Variants in HIVEP3 observed in about 807,000 individuals in gnomAD.
The protein encoded by HIVEP3 is HIVEP zinc finger 3, also known as transcription factor HIVEP3.
A neutral mutation model predicts 152.8 loss-of-function variants in HIVEP3; 49 were observed. The observed-to-expected ratio is 0.32, with a 90% confidence interval of 0.26 to 0.41. The LOEUF is 0.41. HIVEP3 is among the 10% of genes least tolerant of loss of function. HIVEP3 has a pLI of 1.00. For missense variants in HIVEP3, 2,790 were observed against 3,103.3 expected, an observed-to-expected ratio of 0.90 and a Z score of 2.40; for synonymous variants, 1,269 against 1,289.0, an observed-to-expected ratio of 0.98 and a Z score of 0.33.
chr1:41,907,921 T>C (rs765025348), intron 1 of HIVEP3, among the ~76,000 whole-genome samples: 9 of 152,100 alleles, frequency 5.9e-5, no homozygotes, highest in South Asian at 4.2e-4. Flanking sequence ...AGAGAGATAG[T>C]ATTGGAGAAC....
intron 1 of HIVEP3, among the ~76,000 whole-genome samples, chr1:42,005,057 T>C (rs1032329252): frequency 6.6e-6 from 1 of 152,160 alleles, no homozygotes; most frequent in African/African-American, 2.4e-5. Flanking sequence ...CCTTAGGGAC[T>C]TTGCCCTGGC....
At chr1:42,035,547 G>A (rs1314263951) in intron 1 of HIVEP3, among the ~76,000 whole-genome samples, 1 of 152,212 alleles carries the variant, frequency 6.6e-6, no homozygotes. Context: ...AGGACCGGAG[G>A]TTGTGTAATC....
At position 41,584,505 on chromosome 1, in the gene HIVEP3, T is replaced by C; in HGVS notation, c.293A>G (p.His98Arg). Reference sequence around the variant, plus strand: ...CGACATGAATGCTGGTGTCAGAGGGTGCTGCGGAAGCTGTGAGATGTGGAC... The same window carrying C: ...CGACATGAATGCTGGTGTCAGAGGGCGCTGCGGAAGCTGTGAGATGTGGAC... ...ASVHISQLPQ[H>R]PLTPAFMSPG... Residue 98 changes from histidine (H) to arginine (R), a missense_variant, in exon 4 of 9, where the codon CAC becomes CGC. Coordinates refer to ENST00000372583, the MANE Select transcript of HIVEP3 (RefSeq NM_024503.5). The surrounding 1 kb of genome is among the most constrained non-coding windows in gnomAD (Gnocchi z 5.2). 1 of 1,613,906 alleles carries C rather than the reference T, an allele frequency of 6.2e-7. No individual in the cohort carries two copies. Among genetic ancestry groups the C allele is most frequent in the Non-Finnish European group, 8.5e-7 (1 of 1,179,972 alleles).
intron 2 of HIVEP3, among the ~76,000 whole-genome samples, chr1:41,659,873 C>G (rs1368052278): frequency 6.6e-6 from 1 of 152,262 alleles, no homozygotes; most frequent in African/African-American, 2.4e-5. Context: ...CTCACCAGCT[C>G]TGGGGACACG....
At chr1:41,792,040 G>A (rs1051851131) in intron 1 of HIVEP3, among the ~76,000 whole-genome samples, 1 of 152,138 alleles carries the variant, frequency 6.6e-6, no homozygotes, top group South Asian at 2.1e-4. Flanking sequence ...AGGCAGAAGT[G>A]ACCATTCCTC....
intron 1 of HIVEP3, among the ~76,000 whole-genome samples, chr1:41,880,791 A>C (rs937765149): frequency 4.6e-5 from 7 of 152,146 alleles, no homozygotes; most frequent in Non-Finnish European, 8.8e-5. Context: ...TCTCCCAGTG[A>C]ATAGGAAAGG....
chr1:42,012,665 G>A (rs1645500138), intron 1 of HIVEP3, among the ~76,000 whole-genome samples: 2 of 150,808 alleles, frequency 1.3e-5, no homozygotes, highest in African/African-American at 4.9e-5. Flanking sequence ...ACTCCAGCCT[G>A]GGAGACAGGG....
intron 2 of HIVEP3, among the ~76,000 whole-genome samples, chr1:41,661,142 T>G (rs368130879): frequency 1.3e-5 from 2 of 152,252 alleles, no homozygotes; most frequent in Non-Finnish European, 2.9e-5. Flanking sequence ...ACTCATTCCA[T>G]TTTTGATAAA....
intron 1 of HIVEP3, among the ~76,000 whole-genome samples, chr1:41,835,231 G>A (rs552709283): frequency 1.1e-4 from 17 of 152,328 alleles, no homozygotes; most frequent in African/African-American, 4.1e-4. Flanking sequence ...AGACTAGGTG[G>A]CTTAAACAAC....
intron 3 of HIVEP3, among the ~76,000 whole-genome samples, chr1:41,597,688 G>A (rs1046628288): frequency 6.6e-6 from 1 of 152,198 alleles, no homozygotes; most frequent in African/African-American, 2.4e-5. Context: ...AGAGGACACA[G>A]ATTTGAATCA....
intron 1 of HIVEP3, among the ~76,000 whole-genome samples, chr1:41,894,962 C>T (rs1036145446): frequency 1.3e-5 from 2 of 152,146 alleles, no homozygotes; most frequent in Admixed American, 6.5e-5. Context: ...GAGAAACTAA[C>T]CTTGCGCAGC....
intron 1 of HIVEP3, among the ~76,000 whole-genome samples, chr1:41,806,110 C>A (rs934343724): frequency 1.8e-4 from 27 of 152,166 alleles, no homozygotes; most frequent in Admixed American, 1.6e-3. Context: ...GCCCCCAGAG[C>A]CTGCCCTCTG....
intron 1 of HIVEP3, among the ~76,000 whole-genome samples, chr1:41,745,762 G>A (rs1009458630): frequency 2.0e-5 from 3 of 152,160 alleles, no homozygotes; most frequent in Non-Finnish European, 4.4e-5. Context: ...TGTGGGGGTG[G>A]GAATATGGGA....
chr1:41,774,788 A>AT (rs1042162802), intron 1 of HIVEP3, among the ~76,000 whole-genome samples: 5 of 150,260 alleles, frequency 3.3e-5, no homozygotes, highest in Admixed American at 3.3e-4. Flanking sequence ...TTATTTATTT[A>AT]TTTATTTATT....
intron 2 of HIVEP3, among the ~76,000 whole-genome samples, chr1:41,694,201 A>T (rs527386261): frequency 6.6e-6 from 1 of 152,096 alleles, no homozygotes; most frequent in South Asian, 2.1e-4. Context: ...TTTTCCCTCT[A>T]TGCTTTCTAA....
intron 1 of HIVEP3, among the ~76,000 whole-genome samples, chr1:41,915,590 G>A (rs1171858611): frequency 6.6e-6 from 1 of 152,182 alleles, no homozygotes; most frequent in Non-Finnish European, 1.5e-5. Context: ...GTAGCTCATG[G>A]ACTTATGACC....
chr1:41,633,938 T>A (rs1645233366), intron 2 of HIVEP3, among the ~76,000 whole-genome samples: 1 of 152,060 alleles, frequency 6.6e-6, no homozygotes, highest in South Asian at 2.1e-4. Flanking sequence ...CATTTGACAG[T>A]CTCTACAAAA....
At chr1:41,631,463 C>T (rs111945290) in intron 2 of HIVEP3, among the ~76,000 whole-genome samples, 4 of 152,286 alleles carry the variant, frequency 2.6e-5, no homozygotes, top group South Asian at 2.1e-4. Flanking sequence ...TGGAGTAACC[C>T]GCACACAGGC....
At chr1:41,938,983 G>A (rs1033129535) in intron 1 of HIVEP3, among the ~76,000 whole-genome samples, 2 of 151,988 alleles carry the variant, frequency 1.3e-5, no homozygotes, top group African/African-American at 4.8e-5. Flanking sequence ...TCACATTCTT[G>A]TTCTCACACA....
Sources: allele counts gnomAD v4.1 joint callset (sites outside exome capture counted in the v4.1 genomes callset), GRCh38; gene constraint gnomAD v4.1.1; non-coding constraint Gnocchi (gnomAD v3.1); transcripts MANE v1.5; gene names NCBI Gene and HGNC (gene_info 2026-07-23, HGNC 2026-07-21).